The following SCAI variants were observed in gnomAD, a reference collection of about 807,000 sequenced individuals.
The protein encoded by SCAI is protein SCAI.
In SCAI, 24 loss-of-function variants were observed where a neutral mutation model predicts 92.2. That is an observed-to-expected ratio of 0.26 (90% CI 0.19 to 0.37). SCAI has a LOEUF of 0.37. Among genes scored for constraint, SCAI ranks in the 10% least tolerant of loss-of-function variants. SCAI has a pLI of 1.00. For missense variants in SCAI, 450 were observed against 736.2 expected (o/e 0.61, Z 4.50); for synonymous variants, 261 against 258.6 (o/e 1.01, Z -0.09).
At chr9:124,952,998 A>AATC in intron 17 of SCAI, 45 bp from the exon 18 acceptor site, 1 of 1,539,010 alleles carries the variant, frequency 6.5e-7, no homozygotes, top group Non-Finnish European at 9.0e-7. Flanking sequence ...AGTCTAATGA[A>AATC]AGAAAATTAT....
chr9:125,005,716 G>T (rs936636094), intron 9 of SCAI, among the ~76,000 whole-genome samples: 2 of 152,104 alleles, frequency 1.3e-5, no homozygotes, highest in African/African-American at 2.4e-5. Flanking sequence ...GGGTAGCATG[G>T]GCCTCCTGGC....
chr9:124,952,662 ATTTTT>A lies in SCAI; in HGVS notation c.*140_*144del, dbSNP rs561640799. ...AAACAGTTACCCTAAAAGTGTGAAC[ATTTTT>A]TTGTTTGTTTTTAAAATGGTGGCCC... is the stretch of plus-strand genomic sequence containing the variant. On this transcript the variant is annotated 3_prime_UTR_variant, in exon 18 of 18. Coordinates refer to ENST00000336505, the MANE Select transcript of SCAI (RefSeq NM_001144877.3). 1 of 610,776 alleles carries A rather than the reference ATTTTT, an allele frequency of 1.6e-6. No homozygotes were observed. Among genetic ancestry groups the A allele is most frequent in the African/African-American group, 1.9e-5 (1 of 53,224 alleles). 37.8% of individuals were successfully genotyped at this position (610,776 alleles called of 1,614,324 possible).
chr9:125,031,579 T>G (rs1833075490), intron 3 of SCAI, among the ~76,000 whole-genome samples: 1 of 152,184 alleles, frequency 6.6e-6, no homozygotes, highest in Non-Finnish European at 1.5e-5. Context: ...GAGCAATAAA[T>G]TCATTGAATT....
chr9:125,053,197 G>A (rs1833597033), intron 3 of SCAI, among the ~76,000 whole-genome samples: 1 of 152,082 alleles, frequency 6.6e-6, no homozygotes, highest in Non-Finnish European at 1.5e-5. Flanking sequence ...ACTTGGGCGT[G>A]GTGTTAGGCA....
intron 2 of SCAI, among the ~76,000 whole-genome samples, chr9:125,065,790 A>G (rs1178290698): frequency 6.6e-6 from 1 of 152,208 alleles, no homozygotes; most frequent in Non-Finnish European, 1.5e-5. Context: ...AAAATCAATC[A>G]CTGTAATTTA....
intron 14 of SCAI, among the ~76,000 whole-genome samples, chr9:124,983,067 T>C (rs1205803207): frequency 6.6e-6 from 1 of 151,268 alleles, no homozygotes; most frequent in Non-Finnish European, 1.5e-5. Flanking sequence ...TAGGAGGATC[T>C]CTTGAGCCCA....
In SCAI at chr9:125,142,651, G is replaced by T; in HGVS notation, c.80C>A (p.Pro27His). 6.2e-7 allele frequency: 1 copy of T among 1,613,950 alleles called. No homozygotes were observed. The highest frequency in any genetic ancestry group is 1.1e-5 in the South Asian group (1 of 91,066). Residue 27 changes from proline to histidine, a missense_variant, in exon 2 of 18, where the codon CCT (proline) becomes CAT (histidine). By Grantham distance (77) the Pro-to-His change is moderately conservative. Coordinates refer to ENST00000336505, the MANE Select transcript of SCAI (RefSeq NM_001144877.3). ...PRLTGTVEKP[P>H]RKRRSRTEFA... ...GCCTTACCTGCTTCTCCGTTTTCGA[G>T]GCGGTTTCTCCACTGTGCCAGTCAG...
intron 2 of SCAI, among the ~76,000 whole-genome samples, chr9:125,072,196 G>T (rs1833991897): frequency 6.6e-6 from 1 of 152,066 alleles, no homozygotes; most frequent in African/African-American, 2.4e-5. Context: ...GCTAATTTTT[G>T]TATTTATAGT....
intron 2 of SCAI, among the ~76,000 whole-genome samples, chr9:125,129,084 C>A (rs948581039): frequency 6.6e-6 from 1 of 150,856 alleles, no homozygotes. Flanking sequence ...AAATAAAATT[C>A]AAAAAATTGT....
rs1422392474 is a variant in SCAI, at chr9:124,945,233, G to A, written c.*7574C>T. 1 of 152,080 alleles carries A rather than the reference G, an allele frequency of 6.6e-6. No individual in the cohort carries two copies. Among genetic ancestry groups the A allele is most frequent in the Non-Finnish European group, 1.5e-5 (1 of 68,018 alleles). The allele number at this position is 152,080 out of a possible 1,614,324, so 9.4% of individuals were successfully genotyped here. On this transcript the variant is annotated 3_prime_UTR_variant, in exon 18 of 18. Coordinates refer to ENST00000336505, the MANE Select transcript of SCAI (RefSeq NM_001144877.3). Reference sequence around the variant, plus strand: ...TCCAAGTATGTTTAAACATGGCACTGGTTAAAGTAGTCTGATAACTATTAA... The same window carrying A: ...TCCAAGTATGTTTAAACATGGCACTAGTTAAAGTAGTCTGATAACTATTAA...
In SCAI at chr9:124,999,173, G is replaced by A. The variant is rs189247862; in HGVS notation, c.1244+718C>T. ...GGAGGCCGGGGCAGGTGGATCACAA[G>A]GTCAGGAGTTCAAGACCAGCCTGAC... On this transcript the variant is annotated intron_variant, in intron 13 of 17. Coordinates refer to ENST00000336505, the MANE Select transcript of SCAI (RefSeq NM_001144877.3). Among the ~76,000 whole-genome samples the A allele has an allele frequency of 2.8e-3, 430 of 152,028 alleles. 3 individuals are homozygous for A. Among genetic ancestry groups the A allele is most frequent in the African/African-American group, 9.5e-3 (395 of 41,502 alleles).
chr9:125,076,582 G>A (rs1282462066), intron 2 of SCAI, among the ~76,000 whole-genome samples: 1 of 151,724 alleles, frequency 6.6e-6, no homozygotes, highest in Non-Finnish European at 1.5e-5. Context: ...AGGAAACATG[G>A]ATGGCTGGGT....
At chr9:125,137,326 T>C (rs765550506) in intron 2 of SCAI, among the ~76,000 whole-genome samples, 3 of 152,182 alleles carry the variant, frequency 2.0e-5, no homozygotes, top group Non-Finnish European at 4.4e-5. Context: ...AATAAACTCA[T>C]TGCAACCTGA....
At chr9:125,068,141 T>TAA (rs1833908616) in intron 2 of SCAI, among the ~76,000 whole-genome samples, 1 of 152,246 alleles carries the variant, frequency 6.6e-6, no homozygotes, top group South Asian at 2.1e-4. Flanking sequence ...AACACTTAGT[T>TAA]ATGTGATTTT....
intron 14 of SCAI, among the ~76,000 whole-genome samples, chr9:124,991,442 A>T (rs979525088): frequency 2.6e-5 from 4 of 152,110 alleles, no homozygotes; most frequent in African/African-American, 9.7e-5. Context: ...AACATTTACA[A>T]AACACTTATA....
intron 5 of SCAI, among the ~76,000 whole-genome samples, chr9:125,027,269 A>G (rs1832982249): frequency 6.6e-6 from 1 of 152,048 alleles, no homozygotes; most frequent in Admixed American, 6.6e-5. Flanking sequence ...CATTTCTTTA[A>G]TTTCTGTCCT....
intron 2 of SCAI, among the ~76,000 whole-genome samples, chr9:125,098,500 G>A (rs1410356396): frequency 6.6e-6 from 1 of 152,112 alleles, no homozygotes; most frequent in Non-Finnish European, 1.5e-5. Flanking sequence ...AAATGAAACA[G>A]AAGCCTAGAA....
At chr9:125,025,572 A>T (rs1009647008) in intron 6 of SCAI, among the ~76,000 whole-genome samples, 3 of 152,158 alleles carry the variant, frequency 2.0e-5, no homozygotes, top group African/African-American at 7.2e-5. Context: ...GAATTTTTTT[A>T]AAAATTAGAG....
chr9:125,056,129 C>G lies in SCAI; in HGVS notation c.99-122G>C, dbSNP rs148716850. On this transcript the variant is annotated intron_variant, in intron 2 of 17. Coordinates refer to ENST00000336505, the MANE Select transcript of SCAI (RefSeq NM_001144877.3). ...GATATAGAATTCTTCTGATTACAAT[C>G]AAATCACAAAAATATAATTTAAGTG... 189 of 702,918 alleles carry G rather than the reference C, an allele frequency of 2.7e-4. 1 individual carries two copies. The African/African-American group carries it at 3.0e-3, about 11-fold the overall frequency. 43.5% of individuals were successfully genotyped at this position (702,918 alleles called of 1,614,324 possible).
Sources: gnomAD v4.1 joint callset for allele counts (sites outside exome capture counted in the v4.1 genomes callset) on GRCh38, gnomAD v4.1.1 for gene constraint, MANE v1.5 for transcripts, NCBI Gene and HGNC (gene_info 2026-07-23, HGNC 2026-07-21) for gene names.